Variants in ALDH9A1 observed in about 807,000 individuals in gnomAD.
The protein encoded by ALDH9A1 is 4-trimethylaminobutyraldehyde dehydrogenase.
A neutral mutation model predicts 56.6 loss-of-function variants in ALDH9A1; 42 were observed. That is an observed-to-expected ratio of 0.74 (90% CI 0.58 to 0.96). The LOEUF (loss-of-function observed/expected upper bound fraction) is 0.96. Ranked by LOEUF, ALDH9A1 falls within the 40% of genes least tolerant of loss-of-function variation. The probability of loss-of-function intolerance (pLI) is 0.00; values close to 1 mark genes in which losing one functional copy is unlikely to be tolerated. For missense variants in ALDH9A1, 661 were observed against 651.5 expected (o/e 1.01, Z -0.16); for synonymous variants, 242 against 236.0 (o/e 1.03, Z -0.23).
chr1:165,690,726 G>A (rs149272568), intron 2 of ALDH9A1, among the ~76,000 whole-genome samples: 24 of 152,262 alleles, frequency 1.6e-4, no homozygotes, highest in African/African-American at 5.1e-4. Flanking sequence ...CAGCTGGCTC[G>A]GCGGGTCCCC....
At chr1:165,679,244 T>A (rs1213671773) in intron 6 of ALDH9A1, among the ~76,000 whole-genome samples, 198 bp downstream of exon 6, 6 of 152,222 alleles carry the variant, frequency 3.9e-5, no homozygotes, top group African/African-American at 1.4e-4. Context: ...TACAGGCAGA[T>A]AAAGAAGATG....
rs1019515554 is a variant in ALDH9A1 at position 165,663,075 on chromosome 1, A to G, written c.1532T>C (p.Met511Thr). 1.9e-6 allele frequency: 3 copies of G among 1,613,916 alleles called. No homozygotes were observed. In the African/African-American group the frequency reaches 4.0e-5, roughly 22 times the overall value. Residue 511 changes from methionine (M) to threonine (T), a missense_variant, in exon 11 of 11, where the codon ATG becomes ACG. Transcript: ENST00000354775. ...TCAAAAAGCAGATTCCACATCACCC[A>G]TCTCCACACACACAGTCTTCAGCTG... ...YSQLKTVCVE[M>T]GDVESAF
At chr1:165,689,981 C>G (rs1488532998) in intron 2 of ALDH9A1, among the ~76,000 whole-genome samples, 2 of 147,652 alleles carry the variant, frequency 1.4e-5, no homozygotes, top group Non-Finnish European at 3.0e-5. Flanking sequence ...TAAGGTATTG[C>G]TATGGCTGCT....
In ALDH9A1 at chr1:165,665,010, C is replaced by G. The variant is rs560024310; in HGVS notation, c.1462+8G>C. 2.5e-6 allele frequency: 4 copies of G among 1,611,028 alleles called. No individual in the cohort carries two copies. The Admixed American group carries it at 5.0e-5, about 20-fold the overall frequency. The stretch of plus-strand genomic sequence containing the variant: ...CCTAGTTTGCATTCACACCTCCCAG[C>G]TCCTCACCTGACTTCTTATATCCAC... On this transcript the variant is annotated splice_region_variant and intron_variant, in intron 10 of 10. Coordinates refer to ENST00000354775, the MANE Select transcript of ALDH9A1 (RefSeq NM_000696.4).
At chr1:165,691,164 T>C (rs1649877171) in intron 2 of ALDH9A1, among the ~76,000 whole-genome samples, 1 of 152,130 alleles carries the variant, frequency 6.6e-6, no homozygotes, top group African/African-American at 2.4e-5. Flanking sequence ...ACAAAGCTTC[T>C]AGAGGAAGGA....
intron 9 of ALDH9A1, among the ~76,000 whole-genome samples, chr1:165,665,532 G>A (rs921443542): frequency 2.0e-5 from 3 of 152,046 alleles, no homozygotes; most frequent in African/African-American, 7.2e-5. Flanking sequence ...GAAAACAGAG[G>A]AATAAATCTT....
chr1:165,696,379 A>G (rs1212574938), intron 1 of ALDH9A1, among the ~76,000 whole-genome samples: 2 of 152,218 alleles, frequency 1.3e-5, no homozygotes. Flanking sequence ...ACTCCTAAAC[A>G]TTATCTCAGA....
intron 8 of ALDH9A1, 155 bp downstream of exon 8, chr1:165,668,770 AG>A (rs1303741152): frequency 1.8e-6 from 1 of 555,836 alleles, no homozygotes; most frequent in African/African-American, 2.0e-5. Context: ...AAGGCTTCAA[AG>A]ATAATGGAGC....
intron 4 of ALDH9A1, 79 bp from the exon 5 acceptor site, chr1:165,680,762 C>A: frequency 7.6e-7 from 1 of 1,320,958 alleles, no homozygotes; most frequent in Non-Finnish European, 1.0e-6. Context: ...GAGGACAATT[C>A]AAAAATGATT....
chr1:165,698,217 G>A, intron 1 of ALDH9A1, 161 bp downstream of exon 1: 2 of 1,370,132 alleles, frequency 1.5e-6, no homozygotes, highest in South Asian at 3.7e-5. Flanking sequence ...CACTCGCGTT[G>A]CCCCAGAATC....
intron 6 of ALDH9A1, among the ~76,000 whole-genome samples, chr1:165,672,972 AACACACACACACACACAC>A (rs67363579): frequency 8.0e-6 from 1 of 124,226 alleles, no homozygotes; most frequent in African/African-American, 3.1e-5. Context: ...AAAAAATACA[AACACACACACACACACAC>A]ACACACACAC....
At chr1:165,693,773 T>C (rs1193064917) in intron 2 of ALDH9A1, among the ~76,000 whole-genome samples, 1 of 152,186 alleles carries the variant, frequency 6.6e-6, no homozygotes, top group Non-Finnish European at 1.5e-5. Context: ...CACGTATGTT[T>C]ATTGCAGCAC....
At position 165,680,564 on chromosome 1, in the gene ALDH9A1, C is replaced by G. The variant is rs747782664; in HGVS notation, c.712G>C (p.Ala238Pro). The change falls in exon 5 of 11, where the codon GCC (alanine) becomes CCC (proline). Residue 238 changes from alanine to proline, a missense_variant. Transcript: ENST00000354775. Reference sequence around the variant, plus strand: ...TGCTGACACAGAAACTGGCCTGTGGCAGCCCCTCCCTGCACCACATTGAAG... The same window carrying G: ...TGCTGACACAGAAACTGGCCTGTGGGAGCCCCTCCCTGCACCACATTGAAG... ...GLFNVVQGGA[A>P]TGQFLCQHPD... 1.2e-6 allele frequency: 2 copies of G among 1,614,182 alleles called. No individual in the cohort carries two copies. The highest frequency in any genetic ancestry group is 1.7e-6 in the Non-Finnish European group (2 of 1,180,030).
chr1:165,686,847 C>T (rs1420310666), intron 2 of ALDH9A1, among the ~76,000 whole-genome samples: 1 of 152,000 alleles, frequency 6.6e-6, no homozygotes, highest in Non-Finnish European at 1.5e-5. Flanking sequence ...AGTAGAAAAC[C>T]GTAACATTTA....
rs772724695 is a variant in ALDH9A1 at position 165,665,036 on chromosome 1, C to A, written c.1444G>T (p.Gly482Cys). 3.1e-6 allele frequency: 5 copies of A among 1,613,800 alleles called. No homozygotes were observed. The highest frequency in any genetic ancestry group is 2.7e-5 in the African/African-American group (2 of 74,888). ...YNVSPVELPF[G>C]GYKKSGFGRE... ...TCCTCACCTGACTTCTTATATCCAC[C>A]AAAGGGCAACTCCACTGGGCTGACG... is the stretch of plus-strand genomic sequence containing the variant. Residue 482 changes from glycine to cysteine, a missense_variant, in exon 10 of 11, where the codon GGT becomes TGT. Physicochemically the swap from Gly to Cys is radical, Grantham distance 159. Transcript: ENST00000354775.
At chr1:165,693,730 A>G (rs1017089291) in intron 2 of ALDH9A1, among the ~76,000 whole-genome samples, 54 of 152,244 alleles carry the variant, frequency 3.5e-4, no homozygotes, top group African/African-American at 1.3e-3. Flanking sequence ...TACTCAAAGG[A>G]TTATAAATCA....
chr1:165,676,973 G>A (rs1571172962), intron 6 of ALDH9A1, among the ~76,000 whole-genome samples: 1 of 152,114 alleles, frequency 6.6e-6, no homozygotes, highest in African/African-American at 2.4e-5. Context: ...GTGGCTTATC[G>A]TGCAACAAAT....
rs1648888884 is a variant in ALDH9A1 at position 165,662,945 on chromosome 1, A to G, written c.*105T>C. 9.5e-7 allele frequency: 1 copy of G among 1,053,318 alleles called. No individual in the cohort carries two copies. 65.2% of individuals were successfully genotyped at this position (1,053,318 alleles called of 1,614,324 possible). A position where few individuals can be genotyped will look rare whatever the true frequency, so the allele number is the denominator to read the frequency against. On this transcript the variant is annotated 3_prime_UTR_variant, in exon 11 of 11. Coordinates refer to ENST00000354775, the MANE Select transcript of ALDH9A1 (RefSeq NM_000696.4). ...GAACCATTCTCTTATACTGAACGCC[A>G]AAATTCTGGATGTAAAATAACATTC... is the stretch of plus-strand genomic sequence containing the variant.
intron 2 of ALDH9A1, among the ~76,000 whole-genome samples, chr1:165,692,991 C>T (rs1649943849): frequency 6.6e-6 from 1 of 151,660 alleles, no homozygotes; most frequent in Non-Finnish European, 1.5e-5. Context: ...ATAAATGGTG[C>T]TGGGAAAACT....
Sources: gnomAD v4.1 joint callset for allele counts (sites outside exome capture counted in the v4.1 genomes callset) on GRCh38, gnomAD v4.1.1 for gene constraint, MANE v1.5 for transcripts, NCBI Gene and HGNC (gene_info 2026-07-23, HGNC 2026-07-21) for gene names.